The following DST variants were observed in gnomAD, a reference collection of about 807,000 sequenced individuals.
DST encodes dystonin, also known as bullous pemphigoid antigen.
DST carries 253 observed loss-of-function variants against 875.2 expected under a neutral mutation model. The observed-to-expected ratio is 0.29, with a 90% CI of 0.26 to 0.32. The LOEUF (loss-of-function observed/expected upper bound fraction) is 0.32. DST is among the 10% of genes least tolerant of loss of function. The pLI, the probability that DST is intolerant of heterozygous loss-of-function variation, is 1.00. For missense variants in DST, 8,287 were observed against 9,111.6 expected (o/e 0.91, Z 3.68); for synonymous variants, 3,124 against 3,197.1 (o/e 0.98, Z 0.77).
At position 56,553,300 on chromosome 6, in the gene DST, T is replaced by C; in HGVS notation, c.15492A>G (p.Ser5164=). The change falls in exon 61 of 104, where the codon TCA becomes TCG. Residue 5164 remains serine (S), a synonymous_variant. Transcript: ENST00000680361. ...VKERENKLKE[S]LEKALKYKEQ... is the part of the protein sequence containing the mutation. ...CTTTATACTTAAGGGCTTTTTCCAA[T>C]GACTCTTTTAACTTGTTTTCTCTTT... 3 of 1,613,610 alleles carry C rather than the reference T, an allele frequency of 1.9e-6. No homozygotes were observed. Among genetic ancestry groups the C allele is most frequent in the Non-Finnish European group, 2.5e-6 (3 of 1,179,862 alleles).
intron 2 of DST, among the ~76,000 whole-genome samples, chr6:56,948,194 T>C (rs1820648855): frequency 6.6e-6 from 1 of 152,256 alleles, no homozygotes; most frequent in Non-Finnish European, 1.5e-5. Flanking sequence ...ATTCTTGTGG[T>C]ATATCTCAGA....
chr6:56,535,457 G>A lies in DST; in HGVS notation c.16771-165C>T, dbSNP rs1383320219. 3.3e-5 allele frequency among the ~76,000 whole-genome samples: 5 copies of A among 152,172 alleles called. No homozygotes were observed. The East Asian group carries it at 9.6e-4, about 29-fold the overall frequency. On this transcript the variant is annotated intron_variant, in intron 62 of 103. Transcript: ENST00000680361. ...TATCGATAGTAGGCAGGATAGCAGT[G>A]AAAAGGAGACAAACTTTAAGCAAGT...
At chr6:56,595,838 A>C (rs911121492) in intron 47 of DST, among the ~76,000 whole-genome samples, 5 of 148,826 alleles carry the variant, frequency 3.4e-5, no homozygotes, top group Non-Finnish European at 7.4e-5. Context: ...CATATGCAAC[A>C]CCATATAAAT....
At chr6:56,820,503 T>G (rs1174067352) in intron 4 of DST, among the ~76,000 whole-genome samples, 1 of 152,188 alleles carries the variant, frequency 6.6e-6, no homozygotes, top group Non-Finnish European at 1.5e-5. Context: ...TTCTTTACAT[T>G]TGCTATTATC....
chr6:56,839,150 G>C (rs998528440), intron 4 of DST, among the ~76,000 whole-genome samples: 8 of 152,236 alleles, frequency 5.3e-5, no homozygotes, highest in African/African-American at 1.9e-4. Context: ...GAGATATAAG[G>C]GCTGGAAGAG....
chr6:56,689,812 A>G (rs1387073748), intron 9 of DST, among the ~76,000 whole-genome samples: 3 of 152,182 alleles, frequency 2.0e-5, no homozygotes, highest in African/African-American at 7.2e-5. Context: ...ACAGATGATG[A>G]AAACAACTAT....
intron 2 of DST, among the ~76,000 whole-genome samples, chr6:56,920,134 T>C (rs754234284): frequency 1.1e-4 from 17 of 152,168 alleles, no homozygotes; most frequent in Non-Finnish European, 2.4e-4. Context: ...CTAGCTACTG[T>C]AACAAAGAGA....
chr6:56,762,518 T>C (rs891481315), intron 4 of DST, among the ~76,000 whole-genome samples: 1 of 152,208 alleles, frequency 6.6e-6, no homozygotes, highest in South Asian at 2.1e-4. Flanking sequence ...ACTGCATCCC[T>C]TGATATTATC....
intron 91 of DST, 144 bp from the exon 92 acceptor site, chr6:56,476,481 G>T: frequency 1.5e-6 from 1 of 669,496 alleles, no homozygotes; most frequent in Non-Finnish European, 2.3e-6. Flanking sequence ...GATTCCATTA[G>T]TGGCATCAAG....
rs138029128 is a variant in DST, at chr6:56,839,794, A to G, written c.625+11603T>C. Among the ~76,000 whole-genome samples, 265 of 152,334 alleles carry G rather than the reference A, an allele frequency of 1.7e-3. 1 individual carries two copies. The highest frequency in any genetic ancestry group is 2.8e-3 in the Non-Finnish European group (189 of 68,032). On this transcript the variant is annotated intron_variant, in intron 4 of 103. Transcript: ENST00000680361. ...GCACATAAGCAGATTTTATAGCCCT[A>G]ATGAGAGAAGAAACTAAAGCAATTA...
At chr6:56,872,832 C>T (rs867723322) in intron 3 of DST, among the ~76,000 whole-genome samples, 115 of 127,850 alleles carry the variant, frequency 9.0e-4, no homozygotes, top group East Asian at 2.3e-3. Context: ...TCCCCCCCCC[C>T]TTTTTTTTTT....
intron 2 of DST, among the ~76,000 whole-genome samples, chr6:56,918,612 A>G (rs1349448396): frequency 6.6e-6 from 1 of 152,234 alleles, no homozygotes; most frequent in East Asian, 1.9e-4. Context: ...GAGAGATACT[A>G]CAGGTACCAA....
intron 72 of DST, among the ~76,000 whole-genome samples, chr6:56,514,119 A>G (rs2096541585): frequency 6.6e-6 from 1 of 152,220 alleles, no homozygotes; most frequent in African/African-American, 2.4e-5. Context: ...AAAAAGGCAA[A>G]AAAACTCAAT....
chr6:56,616,242 G>T (rs775274894), intron 36 of DST: 1 of 1,614,088 alleles, frequency 6.2e-7, no homozygotes, highest in Non-Finnish European at 8.5e-7. Flanking sequence ...ATTGTTCCCT[G>T]CTCTATAGCC....
chr6:56,592,139 C>T (rs145528519), intron 49 of DST, 43 bp downstream of exon 49: 2 of 1,568,464 alleles, frequency 1.3e-6, no homozygotes, highest in East Asian at 4.5e-5. Context: ...GGAAGCCTTT[C>T]AGTAAGACTA....
intron 3 of DST, among the ~76,000 whole-genome samples, chr6:56,897,536 G>T (rs1021675215): frequency 1.3e-5 from 2 of 152,044 alleles, no homozygotes; most frequent in Non-Finnish European, 2.9e-5. Flanking sequence ...TTGCCATGTT[G>T]GCTAGGCTGG....
chr6:56,817,902 G>A (rs973691858), intron 4 of DST, among the ~76,000 whole-genome samples: 1 of 152,136 alleles, frequency 6.6e-6, no homozygotes. Context: ...CTTGTGATGG[G>A]GAGACTAGCC....
At chr6:56,663,281 C>A (rs566099509) in intron 10 of DST, among the ~76,000 whole-genome samples, 1 of 152,186 alleles carries the variant, frequency 6.6e-6, no homozygotes, top group Non-Finnish European at 1.5e-5. Context: ...AGAAGTCATC[C>A]ATTTCTGTTC....
chr6:56,508,044 T>G (rs1001711135), intron 75 of DST, among the ~76,000 whole-genome samples: 1 of 152,158 alleles, frequency 6.6e-6, no homozygotes, highest in Non-Finnish European at 1.5e-5. Flanking sequence ...GTGTTTTTGT[T>G]TGTCTTCTGA....
Sources: gnomAD v4.1 joint callset for allele counts (sites outside exome capture counted in the v4.1 genomes callset) on GRCh38, gnomAD v4.1.1 for gene constraint, MANE v1.5 for transcripts, NCBI Gene and HGNC (gene_info 2026-07-23, HGNC 2026-07-21) for gene names.